TMEM192: variants seen among roughly 807,000 people sequenced by gnomAD.
TMEM192 encodes transmembrane protein 192.
A neutral mutation model predicts 26.7 loss-of-function variants in TMEM192; 20 were observed. The observed-to-expected ratio is 0.75, with a 90% confidence interval of 0.53 to 1.09. The LOEUF (loss-of-function observed/expected upper bound fraction) is 1.09. Among genes scored for constraint, TMEM192 ranks in the 50% least tolerant of loss-of-function variants. The pLI, the probability that TMEM192 is intolerant of heterozygous loss-of-function variation, is 0.00. For synonymous variants in TMEM192, 124 were observed against 121.0 expected, an observed-to-expected ratio of 1.02 and a Z score of -0.16; for missense variants, 304 against 322.6, an observed-to-expected ratio of 0.94 and a Z score of 0.44.
chr4:165,089,021 A>C (rs2110754302), intron 3 of TMEM192, among the ~76,000 whole-genome samples: 1 of 145,850 alleles, frequency 6.9e-6, no homozygotes, highest in Non-Finnish European at 1.5e-5. Flanking sequence ...AGCCTGGGCA[A>C]CAGAGCAAGA....
Position 165,079,551 on chromosome 4 carries a change from A to C in TMEM192, c.*107T>G. 1 of 1,309,510 alleles carries C rather than the reference A, an allele frequency of 7.6e-7. No homozygotes were observed. The highest frequency in any genetic ancestry group is 1.6e-5 in the South Asian group (1 of 63,302). 81.1% of individuals were successfully genotyped at this position (1,309,510 alleles called of 1,614,324 possible). On this transcript the variant is annotated 3_prime_UTR_variant, in exon 6 of 6. Coordinates refer to ENST00000306480, the MANE Select transcript of TMEM192 (RefSeq NM_001100389.2). ...TTCAGGTTTCCAACAAACACTGTAAAATGCTATTCAGCAAAAGCTGCAGTT... is the reference window on the plus strand; with the variant it reads ...TTCAGGTTTCCAACAAACACTGTAACATGCTATTCAGCAAAAGCTGCAGTT...
chr4:165,097,259 C>T (rs767871533), intron 3 of TMEM192, among the ~76,000 whole-genome samples: 4 of 152,070 alleles, frequency 2.6e-5, no homozygotes, highest in Non-Finnish European at 5.9e-5. Flanking sequence ...CTTTGGGAGG[C>T]CGAGGCCGGC....
rs766467986 is a variant in TMEM192, at chr4:165,103,078, G to C, written c.46C>G (p.Gln16Glu). 1 of 1,610,400 alleles carries C rather than the reference G, an allele frequency of 6.2e-7. No individual in the cohort carries two copies. Among genetic ancestry groups the C allele is most frequent in the South Asian group, 1.1e-5 (1 of 90,498 alleles). ...RMEDGSLDITQSIEDDPLLDA... is the reference protein window; with the variant it reads ...RMEDGSLDITESIEDDPLLDA... Reference sequence around the variant, plus strand: ...AGAAGTGGGTCGTCTTCAATACTCTGGGTGATATCCAAGGAACCCTGGGGT... The same window carrying C: ...AGAAGTGGGTCGTCTTCAATACTCTCGGTGATATCCAAGGAACCCTGGGGT... The change falls in exon 2 of 6, where the codon CAG becomes GAG. Residue 16 changes from glutamine (Q) to glutamate (E), a missense_variant. By Grantham distance (29) the Gln-to-Glu change is conservative (BLOSUM62 2). Coordinates refer to ENST00000306480, the MANE Select transcript of TMEM192 (RefSeq NM_001100389.2).
chr4:165,103,862 T>C (rs891102334), intron 1 of TMEM192, among the ~76,000 whole-genome samples: 3 of 151,974 alleles, frequency 2.0e-5, no homozygotes, highest in Admixed American at 2.0e-4. Context: ...GAGGGAGGGT[T>C]TCACTGTGTT....
At position 165,107,226 on chromosome 4, in the gene TMEM192, T is replaced by C. The variant is rs1735182598; in HGVS notation, c.28-4130A>G. Among the ~76,000 whole-genome samples the C allele has an allele frequency of 2.0e-5, 3 of 152,082 alleles. No homozygotes were observed. In the South Asian group the frequency reaches 6.2e-4, roughly 31 times the overall value. ...TTTTAATAGAGACGGGGTTTCACCA[T>C]GTTGGCCATGCTGGTCTCAAACTCC... On this transcript the variant is annotated intron_variant, in intron 1 of 5. Coordinates refer to ENST00000306480, the MANE Select transcript of TMEM192 (RefSeq NM_001100389.2).
intron 4 of TMEM192, among the ~76,000 whole-genome samples, chr4:165,088,012 T>G (rs975232393): frequency 6.6e-6 from 1 of 152,108 alleles, no homozygotes; most frequent in Non-Finnish European, 1.5e-5. Flanking sequence ...CAGGCTCTAG[T>G]GATCCTCCCA....
intron 3 of TMEM192, among the ~76,000 whole-genome samples, chr4:165,096,791 C>T (rs757819851): frequency 3.3e-5 from 5 of 152,004 alleles, no homozygotes; most frequent in African/African-American, 1.2e-4. Context: ...ATTATGATTA[C>T]GGCTCACATG....
chr4:165,099,102 C>A, intron 3 of TMEM192, among the ~76,000 whole-genome samples: 1 of 126,224 alleles, frequency 7.9e-6, no homozygotes, highest in African/African-American at 3.1e-5. Context: ...TTTTTTCTTT[C>A]TTTTTTTTTT....
At chr4:165,085,546 G>T in intron 5 of TMEM192, 40 bp downstream of exon 5, 1 of 1,352,690 alleles carries the variant, frequency 7.4e-7, no homozygotes. Context: ...AGCTTTCTAG[G>T]GGAAAAAACT....
chr4:165,099,102 CTTTTTTTT>C (rs1160535314), intron 3 of TMEM192, among the ~76,000 whole-genome samples: 1 of 126,194 alleles, frequency 7.9e-6, no homozygotes, highest in African/African-American at 3.1e-5. Context: ...TTTTTTCTTT[CTTTTTTTT>C]TTTTTTTTTT....
Position 165,073,360 on chromosome 4 carries a change from G to T in TMEM192, c.*6298C>A, listed in dbSNP as rs1436578354. The T allele has an allele frequency of 6.6e-6, 1 of 152,244 alleles. No individual in the cohort carries two copies. Among genetic ancestry groups the T allele is most frequent in the Non-Finnish European group, 1.5e-5 (1 of 68,068 alleles). The allele number at this position is 152,244 out of a possible 1,614,324, so 9.4% of individuals were successfully genotyped here. On this transcript the variant is annotated 3_prime_UTR_variant, in exon 6 of 6. Transcript: ENST00000306480. ...CTTGTTAACAATATGTTTGCAGGTG[G>T]TATGCTTGGTAAAAGTCATCGCCTT... is the stretch of plus-strand genomic sequence containing the variant.
chr4:165,085,140 G>A (rs1421110374), intron 5 of TMEM192, among the ~76,000 whole-genome samples: 1 of 152,028 alleles, frequency 6.6e-6, no homozygotes, highest in Admixed American at 6.6e-5. Context: ...CAAGCGTGGT[G>A]GTGCATGCCT....
At chr4:165,087,280 A>G (rs1004264912) in intron 4 of TMEM192, among the ~76,000 whole-genome samples, 1 of 152,194 alleles carries the variant, frequency 6.6e-6, no homozygotes, top group Non-Finnish European at 1.5e-5. Context: ...GACAGAGGGA[A>G]AGAGACCTGT....
At chr4:165,105,948 A>G (rs1329352452) in intron 1 of TMEM192, among the ~76,000 whole-genome samples, 1 of 152,094 alleles carries the variant, frequency 6.6e-6, no homozygotes, top group Non-Finnish European at 1.5e-5. Flanking sequence ...GGCTTGAATG[A>G]GCTCCCTTCC....
intron 1 of TMEM192, among the ~76,000 whole-genome samples, chr4:165,109,249 C>T (rs1025567403): frequency 6.6e-6 from 1 of 152,160 alleles, no homozygotes; most frequent in African/African-American, 2.4e-5. Flanking sequence ...GTCCTTTGTG[C>T]TTTTAACACT....
intron 3 of TMEM192, among the ~76,000 whole-genome samples, chr4:165,089,586 G>T (rs918958704): frequency 1.3e-5 from 2 of 152,144 alleles, no homozygotes; most frequent in Non-Finnish European, 2.9e-5. Flanking sequence ...GCCTCCCAAA[G>T]TGCTAGGATT....
At chr4:165,097,638 G>A (rs886521419) in intron 3 of TMEM192, among the ~76,000 whole-genome samples, 80 of 147,582 alleles carry the variant, frequency 5.4e-4, no homozygotes, top group Admixed American at 2.4e-3. Context: ...TTTATAGAGG[G>A]GGGTGTCACT....
In TMEM192 at chr4:165,073,667, A is replaced by C. The variant is rs1175147004; in HGVS notation, c.*5991T>G. 6.6e-6 allele frequency: 1 copy of C among 152,174 alleles called. No individual in the cohort carries two copies. Among genetic ancestry groups the C allele is most frequent in the African/African-American group, 2.4e-5 (1 of 41,394 alleles). 9.4% of individuals were successfully genotyped at this position (152,174 alleles called of 1,614,324 possible). A position where few individuals can be genotyped will look rare whatever the true frequency, so the allele number is the denominator to read the frequency against. On this transcript the variant is annotated 3_prime_UTR_variant, in exon 6 of 6. Coordinates refer to ENST00000306480, the MANE Select transcript of TMEM192 (RefSeq NM_001100389.2). ...AATGGAATGTCTCGGTGTAAAGCTGACCATTCCCATTCGTTCTATTCTGAG... is the reference window on the plus strand; with the variant it reads ...AATGGAATGTCTCGGTGTAAAGCTGCCCATTCCCATTCGTTCTATTCTGAG...
At chr4:165,086,414 TACAC>T (rs1734617097) in intron 4 of TMEM192, among the ~76,000 whole-genome samples, 1 of 118,278 alleles carries the variant, frequency 8.5e-6, no homozygotes, top group Non-Finnish European at 1.6e-5. Flanking sequence ...GCAAGGCATT[TACAC>T]TTTTTTTTTT....
Sources: allele counts gnomAD v4.1 joint callset (sites outside exome capture counted in the v4.1 genomes callset), GRCh38; gene constraint gnomAD v4.1.1; transcripts MANE v1.5; gene names NCBI Gene and HGNC (gene_info 2026-07-23, HGNC 2026-07-21).